The following STK32A variants were observed in gnomAD, a reference collection of about 807,000 sequenced individuals.
STK32A encodes serine/threonine-protein kinase 32A.
A neutral mutation model predicts 53.2 loss-of-function variants in STK32A; 41 were observed. The ratio of observed to expected loss-of-function variants is 0.77; its 90% CI spans 0.60 to 1.00. The LOEUF is 1.00. Ranked by LOEUF, STK32A falls within the 50% of genes least tolerant of loss-of-function variation. The probability of loss-of-function intolerance (pLI) is 0.00; values close to 1 mark genes in which losing one functional copy is unlikely to be tolerated. For synonymous variants in STK32A, 166 were observed against 162.8 expected (o/e 1.02, Z -0.15); for missense variants, 458 against 485.8 (o/e 0.94, Z 0.54).
At chr5:147,358,726 A>G (rs1335028220) in intron 7 of STK32A, among the ~76,000 whole-genome samples, 1 of 152,220 alleles carries the variant, frequency 6.6e-6, no homozygotes, top group Non-Finnish European at 1.5e-5. Flanking sequence ...TTAATAGAAT[A>G]CAAGGCATAG....
At chr5:147,335,321 G>A (rs1342385287) in intron 5 of STK32A, among the ~76,000 whole-genome samples, 1 of 152,122 alleles carries the variant, frequency 6.6e-6, no homozygotes, top group Non-Finnish European at 1.5e-5. Flanking sequence ...CCTCATAATG[G>A]TTTAAACAAT....
intron 5 of STK32A, among the ~76,000 whole-genome samples, chr5:147,342,088 C>G (rs1222771722): frequency 2.6e-5 from 4 of 152,140 alleles, no homozygotes; most frequent in Non-Finnish European, 5.9e-5. Context: ...CCCTAATGTA[C>G]CATTAAAGCC....
At chr5:147,254,908 G>A (rs1303810974) in intron 2 of STK32A, among the ~76,000 whole-genome samples, 1 of 152,174 alleles carries the variant, frequency 6.6e-6, no homozygotes, top group African/African-American at 2.4e-5. Context: ...GGGAGGCAGA[G>A]GTGGGCGGAT....
chr5:147,343,380 C>G (rs992974053), intron 6 of STK32A: 1 of 393,174 alleles, frequency 2.5e-6, no homozygotes, highest in Non-Finnish European at 4.8e-6. Context: ...TATAATGATA[C>G]AGAAGGCCTC....
chr5:147,392,243 A>G (rs1032219554), downstream of STK32A: 5 of 152,200 alleles, frequency 3.3e-5, no homozygotes, highest in African/African-American at 1.2e-4. Flanking sequence ...GCACTACAAG[A>G]GCTTTAAAAT....
chr5:147,397,550 C>A, the STK32A span: 1 of 1,131,620 alleles, frequency 8.8e-7, no homozygotes, highest in Non-Finnish European at 1.2e-6. Context: ...AAGACTGTCA[C>A]TGAATTTCTC....
intron 3 of STK32A, 39 bp downstream of exon 3, chr5:147,278,218 A>T: frequency 6.5e-7 from 1 of 1,544,280 alleles, no homozygotes; most frequent in Non-Finnish European, 8.8e-7. Flanking sequence ...CAGCAGGGTT[A>T]TGTAGCCCAG....
At chr5:147,302,406 C>A (rs1189899546) in intron 4 of STK32A, among the ~76,000 whole-genome samples, 1 of 152,122 alleles carries the variant, frequency 6.6e-6, no homozygotes, top group Non-Finnish European at 1.5e-5. Flanking sequence ...GAAGTGTAGA[C>A]ATTGGGGATC....
intron 2 of STK32A, among the ~76,000 whole-genome samples, chr5:147,266,170 CA>C (rs1342040228): frequency 3.9e-5 from 6 of 152,162 alleles, no homozygotes; most frequent in African/African-American, 7.2e-5. Context: ...AATTATCCTT[CA>C]GTTGCTACAG....
At chr5:147,401,072 G>A in the STK32A span, among the ~76,000 whole-genome samples, 4 of 152,296 alleles carry the variant, frequency 2.6e-5, no homozygotes, top group Non-Finnish European at 4.4e-5. Context: ...AAAATAAAAT[G>A]TACTCAAATG....
chr5:147,237,950 A>G (rs1753396792), intron 1 of STK32A, among the ~76,000 whole-genome samples: 1 of 152,228 alleles, frequency 6.6e-6, no homozygotes, highest in South Asian at 2.1e-4. Context: ...TCAGGAGGAA[A>G]TCAACTATTT....
rs112830759 is a variant in STK32A at position 147,245,955 on chromosome 5, A to G, written c.52+6269A>G. Among the ~76,000 whole-genome samples the G allele has an allele frequency of 6.5e-3, 985 of 152,338 alleles. 10 individuals carry two copies. The highest frequency in any genetic ancestry group is 0.022 in the African/African-American group (912 of 41,576). The stretch of plus-strand genomic sequence containing the variant: ...CACAGATTTGCAATCCAAAAGAAAT[A>G]GGAGGTTGCTAAATTGATTCCAGCT... On this transcript the variant is annotated intron_variant, in intron 2 of 12. Coordinates refer to ENST00000397936, the MANE Select transcript of STK32A (RefSeq NM_001112724.2).
chr5:147,277,612 A>G (rs916545733), intron 2 of STK32A, among the ~76,000 whole-genome samples: 37 of 152,182 alleles, frequency 2.4e-4, no homozygotes, highest in Admixed American at 2.4e-3. Flanking sequence ...GGTTGTAGTA[A>G]GAAAATAGGC....
chr5:147,324,329 G>A (rs1754472858), intron 5 of STK32A, among the ~76,000 whole-genome samples: 1 of 152,000 alleles, frequency 6.6e-6, no homozygotes, highest in African/African-American at 2.4e-5. Flanking sequence ...ACTAAGCTTA[G>A]ACAAAAAGGA....
intron 2 of STK32A, among the ~76,000 whole-genome samples, chr5:147,240,950 A>G (rs1363702509): frequency 6.6e-6 from 1 of 152,218 alleles, no homozygotes; most frequent in East Asian, 1.9e-4. Flanking sequence ...CCACTTATTT[A>G]TAGGATTTGC....
chr5:147,346,813 A>G (rs1004777027), intron 6 of STK32A, among the ~76,000 whole-genome samples: 2 of 152,240 alleles, frequency 1.3e-5, no homozygotes, highest in African/African-American at 4.8e-5. Context: ...GACATATCAG[A>G]GAAAATGACA....
intron 8 of STK32A, among the ~76,000 whole-genome samples, chr5:147,368,028 A>G (rs1756845115): frequency 6.6e-6 from 1 of 152,244 alleles, no homozygotes; most frequent in Admixed American, 6.5e-5. Context: ...TCTTAATGAG[A>G]AAATGTGCTC....
chr5:147,248,717 G>T (rs1475554103), intron 2 of STK32A, among the ~76,000 whole-genome samples: 1 of 152,164 alleles, frequency 6.6e-6, no homozygotes, highest in East Asian at 1.9e-4. Flanking sequence ...CCATTGCTTG[G>T]TTTTGGCACC....
intron 4 of STK32A, among the ~76,000 whole-genome samples, chr5:147,306,858 T>C (rs1286874214): frequency 6.6e-6 from 1 of 152,098 alleles, no homozygotes; most frequent in African/African-American, 2.4e-5. Flanking sequence ...GGAAAGTGTC[T>C]AGAAAAAGTA....
Sources: allele counts gnomAD v4.1 joint callset (sites outside exome capture counted in the v4.1 genomes callset), GRCh38; gene constraint gnomAD v4.1.1; transcripts MANE v1.5; gene names NCBI Gene and HGNC (gene_info 2026-07-23, HGNC 2026-07-21).